ZZEF1: variants seen among roughly 807,000 people sequenced by gnomAD.
The protein encoded by ZZEF1 is zinc finger ZZ-type and EF-hand domain containing 1.
ZZEF1 carries 157 observed loss-of-function variants against 342.8 expected under a neutral mutation model. That is an observed-to-expected ratio of 0.46 (90% CI 0.40 to 0.52). The LOEUF (loss-of-function observed/expected upper bound fraction) is 0.52. Among genes scored for constraint, ZZEF1 ranks in the 20% least tolerant of loss-of-function variants. ZZEF1 has a pLI of 0.00. For synonymous variants in ZZEF1, 1,505 were observed against 1,429.1 expected, an observed-to-expected ratio of 1.05 and a Z score of -1.20; for missense variants, 3,480 against 3,725.6, an observed-to-expected ratio of 0.93 and a Z score of 1.72.
chr17:4,037,051 A>C (rs1230012792), intron 39 of ZZEF1, among the ~76,000 whole-genome samples: 3 of 152,182 alleles, frequency 2.0e-5, no homozygotes, highest in Non-Finnish European at 2.9e-5. Context: ...AGGACACAGA[A>C]GTCAGCGGGA....
At chr17:4,056,964 C>T (rs1258004181) in intron 32 of ZZEF1, 1 of 152,206 alleles carries the variant, frequency 6.6e-6, no homozygotes, top group African/African-American at 2.4e-5. Flanking sequence ...TTTCAGTTTA[C>T]AGCTCGTTTT....
chr17:4,052,632 C>T (rs1052394924), intron 34 of ZZEF1, among the ~76,000 whole-genome samples: 2 of 152,102 alleles, frequency 1.3e-5, no homozygotes, highest in Admixed American at 6.5e-5. Flanking sequence ...TTTGGGAGGC[C>T]GAGGCAGGCA....
intron 1 of ZZEF1, among the ~76,000 whole-genome samples, chr17:4,137,139 G>C (rs2058761125): frequency 6.6e-6 from 1 of 152,138 alleles, no homozygotes; most frequent in Non-Finnish European, 1.5e-5. Context: ...GCAATGGGGA[G>C]CCACTGAAGT....
At chr17:4,076,561 G>T in intron 21 of ZZEF1, 76 bp downstream of exon 21, 1 of 1,544,008 alleles carries the variant, frequency 6.5e-7, no homozygotes. Context: ...TCTGCAGTCC[G>T]TGGTCCACTT....
In ZZEF1 at chr17:4,009,760, G is replaced by A. The variant is rs757262311; in HGVS notation, c.8580-3C>T. ...ACAGCGCAAGGTCACACAGGTCACT[G>A]CAGGAGGAGCCCCGGAGGTGGTCAG... On this transcript the variant is annotated splice_polypyrimidine_tract_variant and splice_region_variant and intron_variant, in intron 52 of 54. Transcript: ENST00000381638. 319 of 1,613,454 alleles carry A rather than the reference G, an allele frequency of 2.0e-4. No homozygotes were observed. The highest frequency in any genetic ancestry group is 2.6e-4 in the Non-Finnish European group (303 of 1,179,706).
chr17:4,091,968 C>T (rs926587714), intron 11 of ZZEF1, among the ~76,000 whole-genome samples: 2 of 151,114 alleles, frequency 1.3e-5, no homozygotes, highest in Non-Finnish European at 2.9e-5. Flanking sequence ...CCCAGCTACT[C>T]GGGAGGCTCA....
intron 39 of ZZEF1, among the ~76,000 whole-genome samples, chr17:4,041,318 C>T (rs1044228641): frequency 6.6e-6 from 1 of 152,152 alleles, no homozygotes; most frequent in Admixed American, 6.5e-5. Flanking sequence ...CTGCCAGACG[C>T]ATACCCCTGT....
chr17:4,060,260 C>T (rs1258953195), intron 30 of ZZEF1, among the ~76,000 whole-genome samples: 1 of 152,202 alleles, frequency 6.6e-6, no homozygotes, highest in Admixed American at 6.5e-5. Context: ...TCTCAATTTT[C>T]ATTACTATCA....
At chr17:4,108,348 A>C (rs2058244917) in intron 6 of ZZEF1, among the ~76,000 whole-genome samples, 1 of 152,196 alleles carries the variant, frequency 6.6e-6, no homozygotes, top group Non-Finnish European at 1.5e-5. Flanking sequence ...ACATCAAATA[A>C]ACCAGAATTG....
At chr17:4,094,339 G>A (rs1434708245) in intron 11 of ZZEF1, among the ~76,000 whole-genome samples, 1 of 151,690 alleles carries the variant, frequency 6.6e-6, no homozygotes, top group Non-Finnish European at 1.5e-5. Flanking sequence ...TTTTAGAGAT[G>A]GGGGTCTCAC....
intron 11 of ZZEF1, among the ~76,000 whole-genome samples, chr17:4,093,347 T>A (rs58357241): frequency 6.6e-6 from 1 of 152,048 alleles, no homozygotes; most frequent in Non-Finnish European, 1.5e-5. Context: ...TTCAAATTCA[T>A]TAAAGGGCTG....
chr17:4,133,775 G>A (rs556673413), intron 1 of ZZEF1, among the ~76,000 whole-genome samples: 1 of 151,594 alleles, frequency 6.6e-6, no homozygotes, highest in East Asian at 1.9e-4. Context: ...AGGCTAGAGT[G>A]CAGTAGCGTG....
Position 4,086,609 on chromosome 17 carries a change from G to A in ZZEF1, c.2389C>T (p.Leu797Phe), listed in dbSNP as rs1270689566. Residue 797 changes from leucine (L) to phenylalanine (F), a missense_variant, in exon 15 of 55, where the codon CTC (leucine) becomes TTC (phenylalanine). Transcript: ENST00000381638. ...TGCAGCACAGAGAAGCAGCTCTGGAGTAGCTGCAGAAGCAGGGTTTGGGCA... is the reference window on the plus strand; with the variant it reads ...TGCAGCACAGAGAAGCAGCTCTGGAATAGCTGCAGAAGCAGGGTTTGGGCA... ...VSAQTLLLQL[L>F]QSCFSVLQGD... 13 of 1,614,170 alleles carry A rather than the reference G, an allele frequency of 8.1e-6. No homozygotes were observed. The highest frequency in any genetic ancestry group is 2.2e-5 in the East Asian group (1 of 44,892).
At chr17:4,056,134 C>T in intron 33 of ZZEF1, 82 bp downstream of exon 33, 1 of 1,377,666 alleles carries the variant, frequency 7.3e-7, no homozygotes, top group East Asian at 2.7e-5. Context: ...CAGGTAAGAG[C>T]CTGCCAGAAC....
At chr17:4,075,055 T>A in intron 23 of ZZEF1, 42 bp downstream of exon 23, 1 of 1,598,136 alleles carries the variant, frequency 6.3e-7, no homozygotes, top group African/African-American at 1.3e-5. Flanking sequence ...AGGAAAAGCA[T>A]TGGTGCAGAA....
chr17:4,008,349 T>A lies in ZZEF1; in HGVS notation c.8805+534A>T. On this transcript the variant is annotated intron_variant, in intron 54 of 54. Coordinates refer to ENST00000381638, the MANE Select transcript of ZZEF1 (RefSeq NM_015113.4). The surrounding 1 kb of genome is among the most constrained non-coding windows in gnomAD (Gnocchi z 4.2). ...ACAAGACGTGTTATTCATGTTAACATGAAATGGGTTCACTACTTTAAAAAA... is the reference window on the plus strand; with the variant it reads ...ACAAGACGTGTTATTCATGTTAACAAGAAATGGGTTCACTACTTTAAAAAA... The A allele has an allele frequency of 2.5e-5, 4 of 157,932 alleles. No homozygotes were observed. Among genetic ancestry groups the A allele is most frequent in the Non-Finnish European group, 5.2e-5 (4 of 76,374 alleles). The allele number at this position is 157,932 out of a possible 1,614,324, so 9.8% of individuals were successfully genotyped here. A position where few individuals can be genotyped will look rare whatever the true frequency, so the allele number is the denominator to read the frequency against.
chr17:4,008,182 G>C lies in ZZEF1; in HGVS notation c.8805+701C>G, dbSNP rs923843598. The C allele has an allele frequency of 1.3e-5, 2 of 152,208 alleles. No homozygotes were observed. Among genetic ancestry groups the C allele is most frequent in the African/African-American group, 4.8e-5 (2 of 41,406 alleles). The allele number at this position is 152,208 out of a possible 1,614,324, so 9.4% of individuals were successfully genotyped here. A position where few individuals can be genotyped will look rare whatever the true frequency, so the allele number is the denominator to read the frequency against. Reference sequence around the variant, plus strand: ...ACATGAGAATCCAGCTGTCTTCTACGAGGCCAGACATGAGAGGGGTCTGCA... The same window carrying C: ...ACATGAGAATCCAGCTGTCTTCTACCAGGCCAGACATGAGAGGGGTCTGCA... On this transcript the variant is annotated intron_variant, in intron 54 of 54. Coordinates refer to ENST00000381638, the MANE Select transcript of ZZEF1 (RefSeq NM_015113.4). This position sits in a 1 kb window ranked among gnomAD's most constrained non-coding sequence, Gnocchi z 4.2.
chr17:4,075,199 T>C (rs2057587104), intron 22 of ZZEF1, 21 bp from the exon 23 acceptor site: 1 of 1,613,986 alleles, frequency 6.2e-7, no homozygotes, highest in African/African-American at 1.3e-5. Context: ...ATAACCTCTA[T>C]TAGCTTCCTT....
chr17:4,034,091 C>G lies in ZZEF1; in HGVS notation c.6508G>C (p.Gly2170Arg). ...CCATCTGGCACAATGGAACTGTCCC[C>G]TGCAGCAAACAGGTTGTGTTTGGCT... The part of the protein sequence containing the change: ...LSAKHNLFAA[G>R]DSSIVPDGWK... Residue 2170 changes from glycine to arginine, a missense_variant, in exon 40 of 55, where the codon GGG (glycine) becomes CGG (arginine). By Grantham distance (125) the Gly-to-Arg change is moderately radical. Transcript: ENST00000381638. 1 of 1,614,224 alleles carries G rather than the reference C, an allele frequency of 6.2e-7. No homozygotes were observed. Among genetic ancestry groups the G allele is most frequent in the Non-Finnish European group, 8.5e-7 (1 of 1,180,050 alleles).
Sources: allele counts gnomAD v4.1 joint callset (sites outside exome capture counted in the v4.1 genomes callset), GRCh38; gene constraint gnomAD v4.1.1; non-coding constraint Gnocchi (gnomAD v3.1); transcripts MANE v1.5; gene names NCBI Gene and HGNC (gene_info 2026-07-23, HGNC 2026-07-21).